The following KPNA3 variants were observed in gnomAD, a reference collection of about 807,000 sequenced individuals.
KPNA3 encodes importin subunit alpha-4.
A neutral mutation model predicts 73.8 loss-of-function variants in KPNA3; 13 were observed. The ratio of observed to expected loss-of-function variants is 0.18; its 90% CI spans 0.11 to 0.28. KPNA3 has a LOEUF of 0.28. KPNA3 is among the 10% of genes least tolerant of loss of function. The probability of loss-of-function intolerance (pLI) is 1.00; values close to 1 mark genes in which losing one functional copy is unlikely to be tolerated. For missense variants in KPNA3, 360 were observed against 618.1 expected, an observed-to-expected ratio of 0.58 and a Z score of 4.43; for synonymous variants, 186 against 206.9, an observed-to-expected ratio of 0.90 and a Z score of 0.87.
At chr13:49,722,204 G>A in intron 8 of KPNA3, 80 bp from the exon 9 acceptor site, 4 of 958,396 alleles carry the variant, frequency 4.2e-6, no homozygotes, top group Non-Finnish European at 4.5e-6. Flanking sequence ...GGCTCATGTG[G>A]GAACACTGAC....
intron 1 of KPNA3, among the ~76,000 whole-genome samples, chr13:49,773,213 C>G (rs968212063): frequency 2.0e-5 from 3 of 152,088 alleles, no homozygotes; most frequent in African/African-American, 7.2e-5. Flanking sequence ...GGGTTAGGGA[C>G]AGGAAGGGGT....
Position 49,733,013 on chromosome 13 carries a change from T to G in KPNA3, c.148A>C (p.Asn50His). Residue 50 changes from asparagine to histidine, a missense_variant, in exon 3 of 17, where the codon AAT (asparagine) becomes CAT (histidine). This residue lies in a region of KPNA3 where 287 missense variants were observed against 549.1 expected (regional missense o/e 0.52). Transcript: ENST00000261667. Reference protein sequence around the residue: ...KRDEHLLKKRNVPQEESLEDS... With the variant: ...KRDEHLLKKRHVPQEESLEDS... ...TCTAGACTTTCTTCTTGGGGAACAT[T>G]TCTCTTTTTCAATAAGTGTTCATCT... The G allele has an allele frequency of 6.2e-7, 1 of 1,611,528 alleles. No individual in the cohort carries two copies. Among genetic ancestry groups the G allele is most frequent in the South Asian group, 1.1e-5 (1 of 90,924 alleles).
intron 1 of KPNA3, among the ~76,000 whole-genome samples, chr13:49,780,627 T>C (rs1954933400): frequency 6.6e-6 from 1 of 152,142 alleles, no homozygotes; most frequent in African/African-American, 2.4e-5. Context: ...CTGTTTAAAA[T>C]GTTCCCCAGC....
chr13:49,767,098 T>C (rs1217631275), intron 1 of KPNA3, among the ~76,000 whole-genome samples: 1 of 151,574 alleles, frequency 6.6e-6, no homozygotes, highest in African/African-American at 2.4e-5. Context: ...TTTAGAGCAA[T>C]ACCATGAAAT....
intron 6 of KPNA3, 148 bp downstream of exon 6, chr13:49,732,223 G>A (rs571436282): frequency 4.4e-5 from 19 of 434,306 alleles, no homozygotes; most frequent in East Asian, 3.9e-4. Flanking sequence ...TGCTAAATAT[G>A]ATCACAGAAT....
intron 1 of KPNA3, among the ~76,000 whole-genome samples, chr13:49,765,606 G>A (rs1336632791): frequency 6.6e-6 from 1 of 152,058 alleles, no homozygotes; most frequent in Admixed American, 6.6e-5. Context: ...CAAAGTGCTG[G>A]GTTACAGGCA....
intron 2 of KPNA3, among the ~76,000 whole-genome samples, chr13:49,733,489 G>C (rs534599929): frequency 6.6e-6 from 1 of 151,996 alleles, no homozygotes; most frequent in South Asian, 2.1e-4. Context: ...TGTTTTTGCC[G>C]TGTTGGCCAG....
intron 1 of KPNA3, among the ~76,000 whole-genome samples, chr13:49,785,191 C>G (rs892086517): frequency 6.6e-6 from 1 of 152,084 alleles, no homozygotes; most frequent in Non-Finnish European, 1.5e-5. Context: ...AGGCATCAGG[C>G]TCACTGAAAA....
At position 49,732,392 on chromosome 13, in the gene KPNA3, T is replaced by C. The variant is rs34024081; in HGVS notation, c.362A>G (p.Lys121Arg). ...TTACTTATCATCCCTTTCTAGACAT[T>C]TGACTAGAATTGGTAAAATCCCAGA... ...IKSGILPILV[K>R]CLERDDNPSL... is the part of the protein sequence containing the mutation. Residue 121 changes from lysine (K) to arginine (R), a missense_variant, in exon 6 of 17, where the codon AAA becomes AGA. This residue lies in a region of KPNA3 where 287 missense variants were observed against 549.1 expected (regional missense o/e 0.52). Transcript: ENST00000261667. 14,877 of 1,574,756 alleles carry C rather than the reference T, an allele frequency of 9.4e-3. 102 individuals are homozygous for C. Among genetic ancestry groups the C allele is most frequent in the Middle Eastern group, 0.034 (203 of 5,946 alleles).
At chr13:49,760,189 T>C (rs1954747197) in intron 1 of KPNA3, among the ~76,000 whole-genome samples, 1 of 152,042 alleles carries the variant, frequency 6.6e-6, no homozygotes, top group African/African-American at 2.4e-5. Flanking sequence ...CCAAGAAGAC[T>C]GCTTGAGCTC....
intron 2 of KPNA3, among the ~76,000 whole-genome samples, chr13:49,733,247 TACAC>T (rs1173575623): frequency 6.6e-6 from 1 of 150,698 alleles, no homozygotes; most frequent in Non-Finnish European, 1.5e-5. Flanking sequence ...GGCTGGCTTT[TACAC>T]ACACACACTT....
At chr13:49,780,205 A>G (rs3742094) in intron 1 of KPNA3, among the ~76,000 whole-genome samples, 18,125 of 152,092 alleles carry the variant, frequency 0.12, 2,172 homozygotes, top group East Asian at 0.58. Context: ...TTTCATAAAT[A>G]AAGCTTTATT....
At chr13:49,730,344 C>T (rs1010129411) in intron 6 of KPNA3, among the ~76,000 whole-genome samples, 1 of 151,580 alleles carries the variant, frequency 6.6e-6, no homozygotes, top group African/African-American at 2.4e-5. Flanking sequence ...ACCAGCCTGG[C>T]CAACATGGTG....
chr13:49,781,899 G>A (rs1223699222), intron 1 of KPNA3, among the ~76,000 whole-genome samples: 2 of 152,190 alleles, frequency 1.3e-5, no homozygotes, highest in Admixed American at 6.5e-5. Flanking sequence ...TTGGTAGAAT[G>A]TATAGAGTAA....
At chr13:49,756,611 C>G (rs762132947) in intron 1 of KPNA3, among the ~76,000 whole-genome samples, 10 of 152,092 alleles carry the variant, frequency 6.6e-5, no homozygotes, top group Non-Finnish European at 1.2e-4. Context: ...GATTGGTAGA[C>G]TCAACTTGGT....
intron 2 of KPNA3, among the ~76,000 whole-genome samples, chr13:49,733,587 C>T (rs1954492093): frequency 6.6e-6 from 1 of 152,176 alleles, no homozygotes; most frequent in East Asian, 1.9e-4. Flanking sequence ...CTGCGCCTTG[C>T]CTATTTGCGT....
intron 1 of KPNA3, among the ~76,000 whole-genome samples, chr13:49,768,383 G>A (rs1428709824): frequency 6.6e-6 from 1 of 151,962 alleles, no homozygotes. Flanking sequence ...ATGCAGTTGG[G>A]TCTTGCTTCT....
At chr13:49,728,746 T>C (rs187668276) in intron 6 of KPNA3, among the ~76,000 whole-genome samples, 4 of 152,336 alleles carry the variant, frequency 2.6e-5, no homozygotes, top group East Asian at 3.9e-4. Context: ...TGAGAGTGTT[T>C]TGAGAAAGTC....
chr13:49,766,757 AG>A (rs1434963295), intron 1 of KPNA3, among the ~76,000 whole-genome samples: 1 of 152,122 alleles, frequency 6.6e-6, no homozygotes, highest in African/African-American at 2.4e-5. Flanking sequence ...AAAATATAGC[AG>A]GGGGTGGAGA....
Sources: gnomAD v4.1 joint callset for allele counts (sites outside exome capture counted in the v4.1 genomes callset) on GRCh38, gnomAD v4.1.1 for gene constraint, gnomAD v4.1.1 regional missense constraint, MANE v1.5 for transcripts, NCBI Gene and HGNC (gene_info 2026-07-23, HGNC 2026-07-21) for gene names.